EMB: variants seen among roughly 807,000 people sequenced by gnomAD.
EMB encodes the protein embigin homolog.
EMB carries 31 observed loss-of-function variants against 41.4 expected under a neutral mutation model. The ratio of observed to expected loss-of-function variants is 0.75; its 90% CI spans 0.56 to 1.01. The LOEUF is 1.01. EMB is among the 50% of genes least tolerant of loss of function. The pLI is 0.00. For synonymous variants in EMB, 137 were observed against 140.4 expected (o/e 0.98, Z 0.17); for missense variants, 379 against 388.3 (o/e 0.98, Z 0.20).
At chr5:50,435,367 A>G (rs760106884) in intron 1 of EMB, among the ~76,000 whole-genome samples, 36 of 152,172 alleles carry the variant, frequency 2.4e-4, no homozygotes, top group Non-Finnish European at 4.0e-4. Context: ...TTTCAAAAAA[A>G]AGTCCCTATA....
intron 1 of EMB, among the ~76,000 whole-genome samples, chr5:50,430,820 G>A (rs1231656665): frequency 2.0e-5 from 3 of 152,142 alleles, no homozygotes; most frequent in African/African-American, 7.2e-5. Flanking sequence ...GAGCTCCAAT[G>A]CTGGGGCTAT....
In EMB at chr5:50,399,800, A is replaced by G. The variant is rs2111759604; in HGVS notation, c.966+59T>C. 5.2e-6 allele frequency: 7 copies of G among 1,339,924 alleles called. No individual in the cohort carries two copies. The South Asian group carries it at 6.3e-5, about 12-fold the overall frequency. 83.0% of individuals were successfully genotyped at this position (1,339,924 alleles called of 1,614,324 possible). A position where few individuals can be genotyped will look rare whatever the true frequency, so the allele number is the denominator to read the frequency against. On this transcript the variant is annotated intron_variant, in intron 8 of 8. Coordinates refer to ENST00000303221, the MANE Select transcript of EMB (RefSeq NM_198449.3). ...CTAAAAAAAAGTAACTGATTGATAG[A>G]TAGCCTATGTATATTGAATTTGACC...
chr5:50,399,288 C>T lies in EMB; in HGVS notation c.969G>A (p.Glu323=), dbSNP rs770840427. The change falls in exon 9 of 9, where the codon GAG becomes GAA. Residue 323 remains glutamate (E), a splice_region_variant and synonymous_variant. Coordinates refer to ENST00000303221, the MANE Select transcript of EMB (RefSeq NM_198449.3). ...ENNVPRHRKN[E]SLGQ is the part of the protein sequence containing the mutation. ...TGTTTTGTATTCACTGGCCCAGAGA[C>T]TCCTGAGTTAAATAAAGCATAATCA... 16 of 1,608,072 alleles carry T rather than the reference C, an allele frequency of 9.9e-6. No individual in the cohort carries two copies. The highest frequency in any genetic ancestry group is 4.0e-5 in the African/African-American group (3 of 74,544).
chr5:50,423,662 T>C (rs1362237861), intron 2 of EMB, among the ~76,000 whole-genome samples: 11 of 152,156 alleles, frequency 7.2e-5, no homozygotes, highest in Admixed American at 6.5e-5. Context: ...GGGTTTTTCA[T>C]TGCTTTCCTG....
At chr5:50,417,731 T>G (rs924826043) in intron 2 of EMB, among the ~76,000 whole-genome samples, 1 of 152,240 alleles carries the variant, frequency 6.6e-6, no homozygotes, top group African/African-American at 2.4e-5. Flanking sequence ...GCTGGTGTTA[T>G]ATGAGCTGAG....
chr5:50,428,681 G>A (rs1029626361), intron 1 of EMB: 1 of 985,188 alleles, frequency 1.0e-6, no homozygotes, highest in African/African-American at 1.7e-5. Context: ...AGGGAACAGA[G>A]AAGATAAAAT....
chr5:50,428,641 T>TAA, intron 1 of EMB: 1 of 808,680 alleles, frequency 1.2e-6, no homozygotes. Flanking sequence ...TAAAGAGAAT[T>TAA]AAAAAAAAAA....
intron 1 of EMB, chr5:50,428,827 A>C: frequency 4.2e-6 from 3 of 710,584 alleles, no homozygotes; most frequent in Non-Finnish European, 5.2e-6. Flanking sequence ...TTAAAGAAAC[A>C]AGGTTTCTAT....
chr5:50,420,554 C>T (rs753778671), intron 2 of EMB, among the ~76,000 whole-genome samples: 7 of 152,202 alleles, frequency 4.6e-5, no homozygotes, highest in Non-Finnish European at 8.8e-5. Flanking sequence ...CTCTCTATCA[C>T]ACTTCCTTTA....
rs1745063356 is a variant in EMB at position 50,396,223 on chromosome 5, G to T, written c.*3050C>A. 1.3e-5 allele frequency: 2 copies of T among 152,026 alleles called. No homozygotes were observed. The highest frequency in any genetic ancestry group is 4.1e-4 in the South Asian group (2 of 4,824). The allele number at this position is 152,026 out of a possible 1,614,324, so 9.4% of individuals were successfully genotyped here. On this transcript the variant is annotated 3_prime_UTR_variant, in exon 9 of 9. Transcript: ENST00000303221. ...TATAAAAGCTTGTTTTTCTTTATTAGAATACTTTTTTCAATTCTGATTTGT... is the reference window on the plus strand; with the variant it reads ...TATAAAAGCTTGTTTTTCTTTATTATAATACTTTTTTCAATTCTGATTTGT...
Position 50,410,883 on chromosome 5 carries a change from A to T in EMB, c.466T>A (p.Phe156Ile). The change falls in exon 4 of 9, where the codon TTC becomes ATC. Residue 156 changes from phenylalanine (F) to isoleucine (I), a missense_variant. Transcript: ENST00000303221. ...EEKEQRGTFN[F>I]KVPELHGKNK... ...TCAAGTTATTAATACTGACCTTTGA[A>T]ATTAAATGTTCCCCTTTGTTCCTTT... 1.9e-6 allele frequency: 3 copies of T among 1,590,662 alleles called. No homozygotes were observed. Among genetic ancestry groups the T allele is most frequent in the Non-Finnish European group, 2.6e-6 (3 of 1,167,938 alleles).
At chr5:50,419,295 A>G (rs954689979) in intron 2 of EMB, among the ~76,000 whole-genome samples, 1 of 152,092 alleles carries the variant, frequency 6.6e-6, no homozygotes, top group Non-Finnish European at 1.5e-5. Context: ...CTTTATATCT[A>G]ATTTCTGCCT....
At chr5:50,435,519 C>T (rs1325678274) in intron 1 of EMB, among the ~76,000 whole-genome samples, 3 of 152,160 alleles carry the variant, frequency 2.0e-5, no homozygotes, top group Non-Finnish European at 2.9e-5. Flanking sequence ...AATTCCAAGA[C>T]AGTTCTGCTC....
At chr5:50,426,421 A>T (rs910207407) in intron 2 of EMB, among the ~76,000 whole-genome samples, 6 of 152,262 alleles carry the variant, frequency 3.9e-5, no homozygotes, top group African/African-American at 1.4e-4. Flanking sequence ...AAAAATATTA[A>T]ATAAGTAAGC....
upstream of EMB, among the ~76,000 whole-genome samples, chr5:50,441,617 C>G (rs1041179016): frequency 3.9e-5 from 6 of 152,184 alleles, no homozygotes; most frequent in African/African-American, 1.2e-4. Context: ...TCCCGGACCC[C>G]GGACATCTTT....
chr5:50,443,124 T>C (rs554976566), upstream of EMB: 2 of 152,330 alleles, frequency 1.3e-5, no homozygotes, highest in Admixed American at 6.5e-5. Flanking sequence ...TTTCAAATGC[T>C]CCATATCCTT....
At chr5:50,433,628 A>C (rs1012762944) in intron 1 of EMB, among the ~76,000 whole-genome samples, 3 of 152,238 alleles carry the variant, frequency 2.0e-5, no homozygotes, top group Admixed American at 2.0e-4. Flanking sequence ...GACATTTGGC[A>C]ATGTCTGAAA....
chr5:50,432,874 T>A (rs1745743751), intron 1 of EMB, among the ~76,000 whole-genome samples: 1 of 151,666 alleles, frequency 6.6e-6, no homozygotes, highest in Admixed American at 6.6e-5. Context: ...GTCAGGAGTT[T>A]GAGACCAGCC....
At chr5:50,418,322 A>G (rs2111817326) in intron 2 of EMB, among the ~76,000 whole-genome samples, 2 of 152,362 alleles carry the variant, frequency 1.3e-5, no homozygotes, top group African/African-American at 4.8e-5. Context: ...ATTTTTGGAC[A>G]ACCAGAATCC....
Sources: allele counts gnomAD v4.1 joint callset (sites outside exome capture counted in the v4.1 genomes callset), GRCh38; gene constraint gnomAD v4.1.1; transcripts MANE v1.5; gene names NCBI Gene and HGNC (gene_info 2026-07-23, HGNC 2026-07-21).